Variants in RELN observed in about 807,000 individuals in gnomAD.
RELN encodes reelin.
In RELN, 108 loss-of-function variants were observed where a neutral mutation model predicts 427.6. The ratio of observed to expected loss-of-function variants is 0.25; its 90% CI spans 0.22 to 0.30. The LOEUF (loss-of-function observed/expected upper bound fraction) is 0.30. Among genes scored for constraint, RELN ranks in the 10% least tolerant of loss-of-function variants. The pLI is 1.00. For missense variants in RELN, 3,715 were observed against 4,302.8 expected, an observed-to-expected ratio of 0.86 and a Z score of 3.82; for synonymous variants, 1,524 against 1,513.4, an observed-to-expected ratio of 1.01 and a Z score of -0.16.
intron 2 of RELN, among the ~76,000 whole-genome samples, chr7:103,845,974 G>C (rs1793664831): frequency 6.6e-6 from 1 of 152,146 alleles, no homozygotes; most frequent in South Asian, 2.1e-4. Context: ...GGATAGGAAA[G>C]ATTCAATATT....
intron 2 of RELN, among the ~76,000 whole-genome samples, chr7:103,914,127 A>T (rs941245738): frequency 2.0e-5 from 3 of 152,238 alleles, no homozygotes; most frequent in African/African-American, 7.2e-5. Context: ...AAGTTACCAT[A>T]GGAAATGTCT....
At chr7:103,855,523 A>C (rs1793924646) in intron 2 of RELN, among the ~76,000 whole-genome samples, 2 of 152,248 alleles carry the variant, frequency 1.3e-5, no homozygotes, top group Admixed American at 1.3e-4. Context: ...GAGAAGGGCA[A>C]GGATTCTATT....
At chr7:103,842,318 T>C (rs149685164) in intron 2 of RELN, among the ~76,000 whole-genome samples, 208 of 152,236 alleles carry the variant, frequency 1.4e-3, no homozygotes, top group African/African-American at 4.8e-3. Flanking sequence ...TGTTATATTG[T>C]AAATGAAAAA....
At chr7:103,782,505 C>T (rs1453280363) in intron 3 of RELN, among the ~76,000 whole-genome samples, 2 of 152,222 alleles carry the variant, frequency 1.3e-5, no homozygotes, top group South Asian at 4.2e-4. Flanking sequence ...TAAATACCTA[C>T]AGTCTCTCCA....
At chr7:103,494,393 G>GTGTGTGT (rs60783765) in intron 57 of RELN, among the ~76,000 whole-genome samples, 1 of 150,874 alleles carries the variant, frequency 6.6e-6, no homozygotes, top group African/African-American at 2.5e-5. Flanking sequence ...GTGTGTGTGT[G>GTGTGTGT]GGATATGGTC....
Position 103,942,208 on chromosome 7 carries a change from G to C in RELN, c.227-25023C>G, listed in dbSNP as rs115640275. On this transcript the variant is annotated intron_variant, in intron 1 of 64. Transcript: ENST00000428762. ...ATTTTCAAGGATACAATAATTAATA[G>C]TTACAGTCACCATGCTGTATAGTAG... Among the ~76,000 whole-genome samples the C allele has an allele frequency of 2.8e-3, 427 of 152,208 alleles. 3 individuals carry two copies. Among genetic ancestry groups the C allele is most frequent in the African/African-American group, 9.9e-3 (412 of 41,524 alleles).
At chr7:103,846,624 A>G (rs779348941) in intron 2 of RELN, among the ~76,000 whole-genome samples, 56 of 152,350 alleles carry the variant, frequency 3.7e-4, no homozygotes, top group Middle Eastern at 6.8e-3. Flanking sequence ...AGAAACTATC[A>G]TCAGAGTGAA....
At chr7:103,974,353 AT>A (rs1387447835) in intron 1 of RELN, among the ~76,000 whole-genome samples, 1 of 152,204 alleles carries the variant, frequency 6.6e-6, no homozygotes, top group East Asian at 1.9e-4. Flanking sequence ...AAGCTTGGAA[AT>A]GAACTCAGCC....
intron 3 of RELN, among the ~76,000 whole-genome samples, chr7:103,818,616 G>C (rs1046070565): frequency 2.0e-5 from 3 of 152,024 alleles, no homozygotes; most frequent in Non-Finnish European, 4.4e-5. Context: ...ACATACTTTC[G>C]TAATGAAAAG....
chr7:103,546,903 T>C (rs3025934), intron 41 of RELN, among the ~76,000 whole-genome samples: 24 of 152,358 alleles, frequency 1.6e-4, no homozygotes, highest in African/African-American at 5.5e-4. Context: ...GATTCTCTTA[T>C]TTCTTAACTT....
At chr7:103,672,939 T>G (rs139780085) in intron 11 of RELN, among the ~76,000 whole-genome samples, 31 of 152,256 alleles carry the variant, frequency 2.0e-4, no homozygotes, top group African/African-American at 7.2e-4. Context: ...TATCTTATTT[T>G]AATATGCCTC....
intron 8 of RELN, among the ~76,000 whole-genome samples, chr7:103,706,851 A>G (rs1184076808): frequency 6.6e-6 from 1 of 152,170 alleles, no homozygotes; most frequent in South Asian, 2.1e-4. Context: ...GGAGAAGATC[A>G]CAGAACAACT....
intron 12 of RELN, among the ~76,000 whole-genome samples, 198 bp from the exon 13 acceptor site, chr7:103,654,403 T>C (rs1832983719): frequency 1.3e-5 from 2 of 152,104 alleles, no homozygotes; most frequent in Admixed American, 6.6e-5. Context: ...ATCAAAGACT[T>C]GACATTTGTG....
In RELN at chr7:103,815,133, T is replaced by C. The variant is rs115595778; in HGVS notation, c.473+18404A>G. ...TGAAAATATTTGCTCATGAAAGTGATTGAATTTGTAGAGGTGCAGACAAGT... is the reference window on the plus strand; with the variant it reads ...TGAAAATATTTGCTCATGAAAGTGACTGAATTTGTAGAGGTGCAGACAAGT... On this transcript the variant is annotated intron_variant, in intron 3 of 64. Transcript: ENST00000428762. Among the ~76,000 whole-genome samples, 1,518 of 152,312 alleles carry C rather than the reference T, an allele frequency of 1.0e-2. 24 individuals carry two copies. The highest frequency in any genetic ancestry group is 0.035 in the African/African-American group (1,438 of 41,550).
At chr7:103,805,011 A>G (rs947742301) in intron 3 of RELN, among the ~76,000 whole-genome samples, 2 of 152,088 alleles carry the variant, frequency 1.3e-5, no homozygotes, top group Admixed American at 6.6e-5. Context: ...CGGGTATCTA[A>G]TATCTATTAC....
At chr7:103,961,337 C>T (rs1274770711) in intron 1 of RELN, among the ~76,000 whole-genome samples, 1 of 152,094 alleles carries the variant, frequency 6.6e-6, no homozygotes, top group Non-Finnish European at 1.5e-5. Flanking sequence ...CTATTTTTGC[C>T]TCACCTACAG....
chr7:103,861,901 AG>A (rs1384785362), intron 2 of RELN, among the ~76,000 whole-genome samples: 1 of 152,226 alleles, frequency 6.6e-6, no homozygotes, highest in Non-Finnish European at 1.5e-5. Context: ...GATCAACTAC[AG>A]GGTTTATTTT....
Position 103,744,067 on chromosome 7 carries a change from C to G in RELN, c.656+5359G>C, listed in dbSNP as rs548324571. 2.0e-4 allele frequency among the ~76,000 whole-genome samples: 31 copies of G among 152,280 alleles called. No homozygotes were observed. In the East Asian group the frequency reaches 5.8e-3, roughly 28 times the overall value. On this transcript the variant is annotated intron_variant, in intron 6 of 64. Transcript: ENST00000428762. ...ACAGAAATTATAATAAACTGTCTCT[C>G]AGACCACAGTGCAATCAAACTAGAA... is the stretch of plus-strand genomic sequence containing the variant.
At chr7:103,906,418 G>T (rs946479115) in intron 2 of RELN, among the ~76,000 whole-genome samples, 1 of 152,140 alleles carries the variant, frequency 6.6e-6, no homozygotes, top group African/African-American at 2.4e-5. Flanking sequence ...GATAGCAAGT[G>T]CTTGATAATG....
Sources: allele counts gnomAD v4.1 joint callset (sites outside exome capture counted in the v4.1 genomes callset), GRCh38; gene constraint gnomAD v4.1.1; transcripts MANE v1.5; gene names NCBI Gene and HGNC (gene_info 2026-07-23, HGNC 2026-07-21).